FZR1: variants seen among roughly 807,000 people sequenced by gnomAD.
FZR1 encodes the protein fizzy and cell division cycle 20 related 1.
In FZR1, 11 loss-of-function variants were observed where a neutral mutation model predicts 63.6. The observed-to-expected ratio is 0.17, with a 90% confidence interval of 0.11 to 0.29. The LOEUF (loss-of-function observed/expected upper bound fraction) is 0.29. FZR1 is among the 10% of genes least tolerant of loss of function. The pLI is 1.00. For missense variants in FZR1, 440 were observed against 687.5 expected, an observed-to-expected ratio of 0.64 and a Z score of 4.03; for synonymous variants, 328 against 297.9, an observed-to-expected ratio of 1.10 and a Z score of -1.04.
Position 3,526,096 on chromosome 19 carries a change from C to T in FZR1, c.196-24C>T. On this transcript the variant is annotated intron_variant, in intron 3 of 13. Coordinates refer to ENST00000441788, the MANE Select transcript of FZR1 (RefSeq NM_016263.4). This position sits in a 1 kb window ranked among gnomAD's most constrained non-coding sequence, Gnocchi z 5.4. The stretch of plus-strand genomic sequence containing the variant: ...GGAACAAGCGGGCTCCTCGACCCCT[C>T]CCTCTCTGCTCTCCTGCCTGCAGGA... 1 of 1,612,456 alleles carries T rather than the reference C, an allele frequency of 6.2e-7. No homozygotes were observed. Among genetic ancestry groups the T allele is most frequent in the Non-Finnish European group, 8.5e-7 (1 of 1,179,622 alleles).
In FZR1 at chr19:3,531,655, C is replaced by T. The variant is rs533574994; in HGVS notation, c.721-59C>T. 27 of 1,245,440 alleles carry T rather than the reference C, an allele frequency of 2.2e-5. 1 individual carries two copies. Among genetic ancestry groups the T allele is most frequent in the Admixed American group, 1.2e-4 (5 of 42,206 alleles). 77.1% of individuals were successfully genotyped at this position (1,245,440 alleles called of 1,614,324 possible). On this transcript the variant is annotated intron_variant, in intron 8 of 13. Transcript: ENST00000441788. ...GAGCCTGGCGCGACCAACGCCAGGA[C>T]GGGCACAGTCCCCGGGCCAGACCTG... is the stretch of plus-strand genomic sequence containing the variant.
Position 3,534,886 on chromosome 19 carries a change from C to G in FZR1, c.*50C>G, listed in dbSNP as rs765135487. 3 of 1,456,832 alleles carry G rather than the reference C, an allele frequency of 2.1e-6. No individual in the cohort carries two copies. Among genetic ancestry groups the G allele is most frequent in the South Asian group, 2.3e-5 (2 of 87,846 alleles). 90.2% of individuals were successfully genotyped at this position (1,456,832 alleles called of 1,614,324 possible). ...ACCAGCTGTCCAGAGTCGGAGGACC[C>G]CAGCTCCTCAGCTTGCATGGACTCT... On this transcript the variant is annotated 3_prime_UTR_variant, in exon 14 of 14. Coordinates refer to ENST00000441788, the MANE Select transcript of FZR1 (RefSeq NM_016263.4).
chr19:3,532,288 A>AG (rs2083256144), intron 10 of FZR1, 129 bp from the exon 11 acceptor site: 1 of 857,598 alleles, frequency 1.2e-6, no homozygotes, highest in Non-Finnish European at 1.8e-6. Flanking sequence ...GTGTGCCCCC[A>AG]GGGGTCCTTG....
intron 7 of FZR1, among the ~76,000 whole-genome samples, 173 bp downstream of exon 7, chr19:3,527,987 A>AGCCATG: frequency 7.7e-6 from 1 of 130,002 alleles, no homozygotes; most frequent in African/African-American, 2.9e-5. Flanking sequence ...CTACCCTCCC[A>AGCCATG]GCCCTCCCAG....
rs2083147183 is a variant in FZR1 at position 3,525,529 on chromosome 19, G to A, written c.70-339G>A. ...ACAATCTTGGCTCACTGCAAGCTCC[G>A]CCTCCCAGGTTCATGCCATTCTCCT... is the stretch of plus-strand genomic sequence containing the variant. On this transcript the variant is annotated intron_variant, in intron 2 of 13. Coordinates refer to ENST00000441788, the MANE Select transcript of FZR1 (RefSeq NM_016263.4). The surrounding 1 kb of genome is among the most constrained non-coding windows in gnomAD (Gnocchi z 4.2). 7.8e-6 allele frequency among the ~76,000 whole-genome samples: 1 copy of A among 128,638 alleles called. No individual in the cohort carries two copies. The highest frequency in any genetic ancestry group is 2.9e-5 in the African/African-American group (1 of 34,434). The allele number at this position is 128,638 out of a possible 152,430, so 84.4% of individuals were successfully genotyped here.
In FZR1 at chr19:3,514,006, G is replaced by A. The variant is rs1215304436; in HGVS notation, c.-35+7532G>A. 6.6e-6 allele frequency among the ~76,000 whole-genome samples: 1 copy of A among 152,206 alleles called. No homozygotes were observed. The highest frequency in any genetic ancestry group is 1.5e-5 in the Non-Finnish European group (1 of 68,034). On this transcript the variant is annotated intron_variant, in intron 1 of 13. Transcript: ENST00000441788. The surrounding 1 kb of genome is among the most constrained non-coding windows in gnomAD (Gnocchi z 4.2). ...ACCAGTTTTCCCAGCCAAGCAAGGC[G>A]TTGCAGGAGTAGGAGCTTGGCTGAG...
chr19:3,512,853 C>T (rs564009406), intron 1 of FZR1, among the ~76,000 whole-genome samples: 105 of 152,196 alleles, frequency 6.9e-4, no homozygotes, highest in Non-Finnish European at 5.0e-4. Context: ...AGCCGTGCTT[C>T]ATAAATGACA....
intron 1 of FZR1, among the ~76,000 whole-genome samples, chr19:3,509,982 C>T (rs1290842404): frequency 1.3e-5 from 2 of 152,078 alleles, no homozygotes; most frequent in Non-Finnish European, 2.9e-5. Flanking sequence ...CTCCACTCGC[C>T]GGCTGATCGT....
At chr19:3,517,530 T>C (rs1344313696) in intron 1 of FZR1, among the ~76,000 whole-genome samples, 2 of 151,458 alleles carry the variant, frequency 1.3e-5, no homozygotes, top group East Asian at 3.9e-4. Context: ...CTACTAAAAA[T>C]ACAAAAAAAT....
At chr19:3,510,906 G>A (rs990417014) in intron 1 of FZR1, among the ~76,000 whole-genome samples, 6 of 152,250 alleles carry the variant, frequency 3.9e-5, no homozygotes, top group African/African-American at 1.2e-4. Context: ...CATAGACAGC[G>A]TTCCGGCCCA....
In FZR1 at chr19:3,533,017, G is replaced by A. The variant is rs1358513262; in HGVS notation, c.1243-277G>A. ...CCGGGCGTGTCACCAGGACAGTCTC[G>A]GGGGTGACTTGCAGGTGGGGCAGAG... On this transcript the variant is annotated intron_variant, in intron 11 of 13. Transcript: ENST00000441788. The surrounding 1 kb of genome is among the most constrained non-coding windows in gnomAD (Gnocchi z 4.9). 6.6e-6 allele frequency among the ~76,000 whole-genome samples: 1 copy of A among 152,110 alleles called. No individual in the cohort carries two copies. The highest frequency in any genetic ancestry group is 6.5e-5 in the Admixed American group (1 of 15,282).
In FZR1 at chr19:3,537,033, T is replaced by C. The variant is rs1249478564; in HGVS notation, c.*2197T>C. ...CCTGTTCCAGGGAGGAGGTGCTCGG[T>C]TGACACCATCAGGGAGGGAGGGTGG... On this transcript the variant is annotated 3_prime_UTR_variant, in exon 14 of 14. Coordinates refer to ENST00000441788, the MANE Select transcript of FZR1 (RefSeq NM_016263.4). The C allele has an allele frequency of 6.7e-6, 1 of 149,790 alleles. No individual in the cohort carries two copies. The highest frequency in any genetic ancestry group is 1.5e-5 in the Non-Finnish European group (1 of 67,420). The allele number at this position is 149,790 out of a possible 1,614,324, so 9.3% of individuals were successfully genotyped here. A position where few individuals can be genotyped will look rare whatever the true frequency, so the allele number is the denominator to read the frequency against.
At chr19:3,520,660 C>G (rs1339136227) in intron 1 of FZR1, among the ~76,000 whole-genome samples, 1 of 152,244 alleles carries the variant, frequency 6.6e-6, no homozygotes, top group East Asian at 1.9e-4. Flanking sequence ...TGACTGCGGG[C>G]CCAGTCAGCG....
In FZR1 at chr19:3,514,382, C is replaced by A. The variant is rs1429742446; in HGVS notation, c.-35+7908C>A. 7.2e-5 allele frequency among the ~76,000 whole-genome samples: 11 copies of A among 152,172 alleles called. No homozygotes were observed. Among genetic ancestry groups the A allele is most frequent in the Non-Finnish European group, 1.5e-5 (1 of 68,026 alleles). ...CCCTTGCACCCTGTGGACATTGGGG[C>A]CGGATCGTTCTCTGGGGTGCGGCCG... is the stretch of plus-strand genomic sequence containing the variant. On this transcript the variant is annotated intron_variant, in intron 1 of 13. Coordinates refer to ENST00000441788, the MANE Select transcript of FZR1 (RefSeq NM_016263.4). This position sits in a 1 kb window ranked among gnomAD's most constrained non-coding sequence, Gnocchi z 4.2.
rs775862996 is a variant in FZR1, at chr19:3,534,492, T to C, written c.1419T>C (p.Phe473=). The stretch of plus-strand genomic sequence containing the variant: ...AGACCCTGAGGTTCTGGAACGTCTT[T>C]AGCAAAACCCGTTCGACAAAGGTAA... ...GDETLRFWNV[F]SKTRSTKESV... Residue 473 remains phenylalanine (F), a synonymous_variant, in exon 13 of 14, where the codon TTT becomes TTC. Transcript: ENST00000441788. 3 of 1,608,864 alleles carry C rather than the reference T, an allele frequency of 1.9e-6. No homozygotes were observed. The highest frequency in any genetic ancestry group is 1.1e-5 in the South Asian group (1 of 90,242).
At chr19:3,529,235 CGGATGAGAGTGGTTGAGGGAGT>C (rs2083202628) in intron 7 of FZR1, among the ~76,000 whole-genome samples, 1 of 101,222 alleles carries the variant, frequency 9.9e-6, no homozygotes, top group Non-Finnish European at 2.0e-5. Context: ...GATGGGAGAG[CGGATGAGAGTGGTTGAGGGAGT>C]GGATGGGAGA....
intron 1 of FZR1, among the ~76,000 whole-genome samples, chr19:3,513,883 G>A (rs755717492): frequency 1.1e-4 from 17 of 152,172 alleles, no homozygotes; most frequent in Admixed American, 5.9e-4. Context: ...CCAGACCATA[G>A]TCAGCCTCAA....
rs886574813 is a variant in FZR1, at chr19:3,532,772, C to T, written c.1242+122C>T. The T allele has an allele frequency of 1.1e-4, 77 of 712,136 alleles. 1 individual carries two copies. In the Admixed American group the frequency reaches 1.5e-3, roughly 14 times the overall value. 44.1% of individuals were successfully genotyped at this position (712,136 alleles called of 1,614,324 possible). A position where few individuals can be genotyped will look rare whatever the true frequency, so the allele number is the denominator to read the frequency against. Reference sequence around the variant, plus strand: ...CAGAGTCGCTCTGAAGGGAGATGGGCGAGGGAGGCCGAGCGGGGAGGCAGG... The same window carrying T: ...CAGAGTCGCTCTGAAGGGAGATGGGTGAGGGAGGCCGAGCGGGGAGGCAGG... On this transcript the variant is annotated intron_variant, in intron 11 of 13. Coordinates refer to ENST00000441788, the MANE Select transcript of FZR1 (RefSeq NM_016263.4).
intron 1 of FZR1, among the ~76,000 whole-genome samples, chr19:3,521,475 G>A (rs184135505): frequency 3.9e-5 from 6 of 152,214 alleles, no homozygotes; most frequent in African/African-American, 4.8e-5. Flanking sequence ...ACACAACCAC[G>A]GGAATGTGAT....
Sources: allele counts gnomAD v4.1 joint callset (sites outside exome capture counted in the v4.1 genomes callset), GRCh38; gene constraint gnomAD v4.1.1; non-coding constraint Gnocchi (gnomAD v3.1); transcripts MANE v1.5; gene names NCBI Gene and HGNC (gene_info 2026-07-23, HGNC 2026-07-21).